AKAP19: variants seen among roughly 807,000 people sequenced by gnomAD.
AKAP19 encodes the protein small A-kinase anchoring protein.
chr2:190,014,631 C>T, the AKAP19 span, among the ~76,000 whole-genome samples: 2 of 152,086 alleles, frequency 1.3e-5, no homozygotes, highest in African/African-American at 4.8e-5. Flanking sequence ...TTCCAACAGT[C>T]CTCAAATGTC....
At chr2:190,065,050 A>G in the AKAP19 span, among the ~76,000 whole-genome samples, 2 of 152,236 alleles carry the variant, frequency 1.3e-5, no homozygotes, top group Non-Finnish European at 2.9e-5. Flanking sequence ...ATGAGGTCAA[A>G]CAAGGCAGGG....
chr2:190,129,867 T>C, the AKAP19 span, among the ~76,000 whole-genome samples: 2 of 152,158 alleles, frequency 1.3e-5, no homozygotes, highest in African/African-American at 4.8e-5. Context: ...GCCTTCTCTG[T>C]CCTTCTTCCT....
chr2:189,901,885 C>G, the AKAP19 span, among the ~76,000 whole-genome samples: 203 of 152,082 alleles, frequency 1.3e-3, 7 homozygotes, highest in South Asian at 0.041. Context: ...CCTCATCTGT[C>G]AAATGGATAT....
chr2:190,191,839 C>G, the AKAP19 span, among the ~76,000 whole-genome samples: 1 of 151,966 alleles, frequency 6.6e-6, no homozygotes, highest in Non-Finnish European at 1.5e-5. Context: ...AGTTTTGATA[C>G]TTATATATTC....
At chr2:189,970,820 T>C in the AKAP19 span, among the ~76,000 whole-genome samples, 38 of 152,346 alleles carry the variant, frequency 2.5e-4, no homozygotes, top group Admixed American at 3.9e-4. Context: ...AGTTTATTTC[T>C]ATACATCCTC....
the AKAP19 span, among the ~76,000 whole-genome samples, chr2:190,188,174 ATT>A: frequency 6.6e-6 from 1 of 152,038 alleles, no homozygotes; most frequent in Non-Finnish European, 1.5e-5. Context: ...TCTCCTTTTG[ATT>A]TTGTTAATTT....
chr2:190,153,664 A>G, the AKAP19 span, among the ~76,000 whole-genome samples: 1 of 152,220 alleles, frequency 6.6e-6, no homozygotes, highest in Non-Finnish European at 1.5e-5. Context: ...ATAATTTTCC[A>G]TCATAAATTT....
the AKAP19 span, among the ~76,000 whole-genome samples, chr2:190,123,019 C>G: frequency 6.6e-6 from 1 of 151,796 alleles, no homozygotes; most frequent in Non-Finnish European, 1.5e-5. Context: ...GCTATGTTGC[C>G]CAAGCTGGTC....
chr2:189,924,724 G>C, the AKAP19 span, among the ~76,000 whole-genome samples: 1 of 152,100 alleles, frequency 6.6e-6, no homozygotes, highest in African/African-American at 2.4e-5. Flanking sequence ...TTTTGTGAAT[G>C]AGAGTTGGCA....
At chr2:190,117,600 C>G in the AKAP19 span, among the ~76,000 whole-genome samples, 1 of 152,242 alleles carries the variant, frequency 6.6e-6, no homozygotes, top group Admixed American at 6.5e-5. Flanking sequence ...ATCTGGTCTT[C>G]CAATGCCCAT....
At chr2:189,924,059 G>C in the AKAP19 span, 2 of 1,537,996 alleles carry the variant, frequency 1.3e-6, no homozygotes, top group African/African-American at 2.7e-5. Context: ...GGAGTCTGAG[G>C]GGGGTGCAGA....
At chr2:189,885,605 A>G in the AKAP19 span, among the ~76,000 whole-genome samples, 1 of 152,280 alleles carries the variant, frequency 6.6e-6, no homozygotes, top group East Asian at 1.9e-4. Context: ...TTTGTTTTGA[A>G]GAGATAGATA....
chr2:190,037,266 T>G, the AKAP19 span, among the ~76,000 whole-genome samples: 1 of 152,346 alleles, frequency 6.6e-6, no homozygotes, highest in Admixed American at 6.5e-5. Flanking sequence ...AATATTTATT[T>G]GCACCAAATG....
chr2:189,953,384 C>T, the AKAP19 span, among the ~76,000 whole-genome samples: 2 of 151,878 alleles, frequency 1.3e-5, no homozygotes, highest in Non-Finnish European at 2.9e-5. Context: ...ACCTGTAATC[C>T]CAGCACTTTG....
chr2:189,930,416 C>T, the AKAP19 span: 17 of 269,894 alleles, frequency 6.3e-5, no homozygotes, highest in African/African-American at 2.9e-4. Flanking sequence ...GGTGGCTTCA[C>T]GCCTGTAATC....
At chr2:189,941,121 C>G in the AKAP19 span, among the ~76,000 whole-genome samples, 1 of 152,172 alleles carries the variant, frequency 6.6e-6, no homozygotes, top group East Asian at 1.9e-4. Context: ...TCCAATAATA[C>G]TGTACCCAGC....
chr2:189,887,337 A>T, the AKAP19 span, among the ~76,000 whole-genome samples: 2 of 152,188 alleles, frequency 1.3e-5, no homozygotes, highest in Non-Finnish European at 2.9e-5. Context: ...ATAGTATTCC[A>T]TGGTGTATAT....
chr2:190,195,941 C>CTTTCTTT, the AKAP19 span, among the ~76,000 whole-genome samples: 1 of 86,210 alleles, frequency 1.2e-5, no homozygotes, highest in African/African-American at 4.1e-5. Flanking sequence ...CTGTGTCCAG[C>CTTTCTTT]TTTTTTTTTT....
chr2:190,195,356 G>GATCATACAGTAAGA, the AKAP19 span, among the ~76,000 whole-genome samples: 4,314 of 152,258 alleles, frequency 0.028, 89 homozygotes, highest in Non-Finnish European at 0.042. Context: ...AGAACTGCTG[G>GATCATACAGTAAGA]ATCATACAGT....
Sources: gnomAD v4.1 joint callset for allele counts (sites outside exome capture counted in the v4.1 genomes callset) on GRCh38, gnomAD v4.1.1 for gene constraint, MANE v1.5 for transcripts, NCBI Gene and HGNC (gene_info 2026-07-23, HGNC 2026-07-21) for gene names.